The following SLC4A4 variants were observed in gnomAD, a reference collection of about 807,000 sequenced individuals.
The protein encoded by SLC4A4 is solute carrier family 4 member 4.
In SLC4A4, 27 loss-of-function variants were observed where a neutral mutation model predicts 111.5. That is an observed-to-expected ratio of 0.24 (90% CI 0.18 to 0.33). SLC4A4 has a LOEUF of 0.33. Among genes scored for constraint, SLC4A4 ranks in the 10% least tolerant of loss-of-function variants. The pLI is 1.00. For missense variants in SLC4A4, 909 were observed against 1,315.5 expected (o/e 0.69, Z 4.78); for synonymous variants, 443 against 463.4 (o/e 0.96, Z 0.57).
chr4:71,393,063 A>G (rs1719461432), intron 6 of SLC4A4, among the ~76,000 whole-genome samples: 1 of 152,100 alleles, frequency 6.6e-6, no homozygotes, highest in Admixed American at 6.5e-5. Context: ...CCAACATAAT[A>G]CTAACTGGGG....
intron 24 of SLC4A4, among the ~76,000 whole-genome samples, chr4:71,564,957 G>T (rs2149258552): frequency 6.6e-6 from 1 of 151,794 alleles, no homozygotes; most frequent in African/African-American, 2.4e-5. Context: ...TCTCTCATGA[G>T]ATTGCCGTCA....
At chr4:71,327,219 A>G (rs1423020375) in intron 3 of SLC4A4, among the ~76,000 whole-genome samples, 1 of 152,058 alleles carries the variant, frequency 6.6e-6, no homozygotes, top group East Asian at 1.9e-4. Context: ...CTTTTGGTGA[A>G]TAATGAACCA....
At chr4:71,470,298 T>A (rs919578704) in intron 13 of SLC4A4, among the ~76,000 whole-genome samples, 11 of 151,980 alleles carry the variant, frequency 7.2e-5, no homozygotes, top group African/African-American at 2.7e-4. Context: ...TTCAGAAGGA[T>A]CCCATAAAGT....
intron 18 of SLC4A4, among the ~76,000 whole-genome samples, chr4:71,538,210 T>A (rs938694061): frequency 3.3e-5 from 5 of 152,160 alleles, no homozygotes; most frequent in Non-Finnish European, 7.4e-5. Flanking sequence ...TAATTTTTAC[T>A]CACTATGTTT....
At chr4:71,556,241 A>G (rs558584530) in intron 21 of SLC4A4, among the ~76,000 whole-genome samples, 1 of 152,104 alleles carries the variant, frequency 6.6e-6, no homozygotes, top group East Asian at 1.9e-4. Flanking sequence ...TTGTTACAAA[A>G]TACAAGGTGG....
Position 71,477,005 on chromosome 4 carries a change from G to A in SLC4A4, c.1903+4035G>A, listed in dbSNP as rs553099232. Among the ~76,000 whole-genome samples the A allele has an allele frequency of 7.9e-5, 12 of 151,762 alleles. No individual in the cohort carries two copies. In the South Asian group the frequency reaches 2.1e-3, roughly 26 times the overall value. The stretch of plus-strand genomic sequence containing the variant: ...ATAATTTAGTTCAAAAGCCAAAAGT[G>A]AAAACTGAAAAATATCCAATTGAAG... On this transcript the variant is annotated intron_variant, in intron 14 of 25. Transcript: ENST00000264485.
At chr4:71,232,913 G>C (rs895281033) in intron 1 of SLC4A4, among the ~76,000 whole-genome samples, 13 of 152,246 alleles carry the variant, frequency 8.5e-5, no homozygotes, top group Admixed American at 1.3e-4. Flanking sequence ...TGATAGGACT[G>C]GAAAGGGTTA....
At chr4:71,438,565 A>G (rs2149053575) in intron 7 of SLC4A4, among the ~76,000 whole-genome samples, 1 of 152,348 alleles carries the variant, frequency 6.6e-6, no homozygotes, top group South Asian at 2.1e-4. Flanking sequence ...TGCATTAAAA[A>G]TTAAAGAAAT....
At position 71,459,548 on chromosome 4, in the gene SLC4A4, T is replaced by C. The variant is rs116382179; in HGVS notation, c.1497+5879T>C. On this transcript the variant is annotated intron_variant, in intron 12 of 25. Transcript: ENST00000264485. ...TAACATCATTTTTAATGACCACATATATTTATGCACATGATGCATGTGCTA... is the reference window on the plus strand; with the variant it reads ...TAACATCATTTTTAATGACCACATACATTTATGCACATGATGCATGTGCTA... Among the ~76,000 whole-genome samples the C allele has an allele frequency of 1.2e-3, 190 of 152,182 alleles. 2 individuals are homozygous for C. The highest frequency in any genetic ancestry group is 4.5e-3 in the African/African-American group (186 of 41,556).
chr4:71,353,421 A>C (rs1396226388), intron 5 of SLC4A4, among the ~76,000 whole-genome samples: 1 of 152,216 alleles, frequency 6.6e-6, no homozygotes, highest in Non-Finnish European at 1.5e-5. Context: ...GAAAAGGGCC[A>C]GATTTCCAGA....
At position 71,551,017 on chromosome 4, in the gene SLC4A4, C is replaced by T. The variant is rs186362274; in HGVS notation, c.2694+3297C>T. Among the ~76,000 whole-genome samples, 491 of 151,954 alleles carry T rather than the reference C, an allele frequency of 3.2e-3. 3 individuals are homozygous for T. Among genetic ancestry groups the T allele is most frequent in the Non-Finnish European group, 4.8e-3 (328 of 67,882 alleles). On this transcript the variant is annotated intron_variant, in intron 20 of 25. Coordinates refer to ENST00000264485, the MANE Select transcript of SLC4A4 (RefSeq NM_001098484.3). ...ACTGTTGGGAAGCAAGAATAACTGG[C>T]GCCCCTGGCTGGTTAAACAGCTTAG...
rs1730369439 is a variant in SLC4A4 at position 71,357,306 on chromosome 4, G to GC, written c.730+121dup. 4.1e-6 allele frequency: 4 copies of GC among 966,278 alleles called. No individual in the cohort carries two copies. The South Asian group carries it at 5.4e-5, about 13-fold the overall frequency. The allele number at this position is 966,278 out of a possible 1,614,324, so 59.9% of individuals were successfully genotyped here. A position where few individuals can be genotyped will look rare whatever the true frequency, so the allele number is the denominator to read the frequency against. On this transcript the variant is annotated intron_variant, in intron 6 of 25. Transcript: ENST00000264485. ...ATTTTTTCTTTTCTTGAGTTCATAT[G>GC]CCATAGTCATTTCATATTGACATTT...
In SLC4A4 at chr4:71,373,250, A is replaced by G. The variant is rs147106725; in HGVS notation, c.730+16063A>G. 2.5e-3 allele frequency among the ~76,000 whole-genome samples: 388 copies of G among 152,322 alleles called. 1 individual carries two copies. Among genetic ancestry groups the G allele is most frequent in the African/African-American group, 8.7e-3 (360 of 41,582 alleles). On this transcript the variant is annotated intron_variant, in intron 6 of 25. Coordinates refer to ENST00000264485, the MANE Select transcript of SLC4A4 (RefSeq NM_001098484.3). Reference sequence around the variant, plus strand: ...AAATAACAATCATTTGAGAGAAGCTATGGTAAGTGCCACCAGGAGGGTAGG... The same window carrying G: ...AAATAACAATCATTTGAGAGAAGCTGTGGTAAGTGCCACCAGGAGGGTAGG...
At chr4:71,282,819 C>T (rs1300342957) in intron 3 of SLC4A4, among the ~76,000 whole-genome samples, 1 of 151,928 alleles carries the variant, frequency 6.6e-6, no homozygotes, top group African/African-American at 2.4e-5. Flanking sequence ...TCAAGCGATC[C>T]TCCTACCCGG....
intron 2 of SLC4A4, among the ~76,000 whole-genome samples, chr4:71,153,117 T>C (rs1744363285): frequency 6.6e-6 from 1 of 151,330 alleles, no homozygotes; most frequent in South Asian, 2.1e-4. Context: ...ATAGGCCATC[T>C]GCAGGCTGAG....
At chr4:71,081,619 GAGTTAGA>G (rs1741996683) in intron 1 of SLC4A4, among the ~76,000 whole-genome samples, 1 of 152,104 alleles carries the variant, frequency 6.6e-6, no homozygotes, top group Non-Finnish European at 1.5e-5. Context: ...AAAGCACAAT[GAGTTAGA>G]TCCCAGAGTG....
chr4:71,141,276 A>ATGATG (rs1250619785), intron 2 of SLC4A4, among the ~76,000 whole-genome samples: 7 of 152,188 alleles, frequency 4.6e-5, no homozygotes, highest in Non-Finnish European at 8.8e-5. Flanking sequence ...CACTTTCAGT[A>ATGATG]TGATCTTATA....
At chr4:71,433,483 A>G (rs1723829811) in intron 7 of SLC4A4, among the ~76,000 whole-genome samples, 1 of 151,810 alleles carries the variant, frequency 6.6e-6, no homozygotes, top group African/African-American at 2.4e-5. Context: ...CTGCCATAAA[A>G]AAAAGAAATC....
chr4:71,377,781 A>C (rs1376121861), intron 6 of SLC4A4, among the ~76,000 whole-genome samples: 1 of 152,176 alleles, frequency 6.6e-6, no homozygotes, highest in Non-Finnish European at 1.5e-5. Context: ...GCACAGAAAT[A>C]ATACATCATG....
Sources: gnomAD v4.1 joint callset for allele counts (sites outside exome capture counted in the v4.1 genomes callset) on GRCh38, gnomAD v4.1.1 for gene constraint, MANE v1.5 for transcripts, NCBI Gene and HGNC (gene_info 2026-07-23, HGNC 2026-07-21) for gene names.